Variants in MLPH observed in about 807,000 individuals in gnomAD.
MLPH encodes the protein melanophilin.
MLPH carries 51 observed loss-of-function variants against 72.1 expected under a neutral mutation model. The observed-to-expected ratio is 0.71, with a 90% CI of 0.56 to 0.89. MLPH has a LOEUF of 0.89. MLPH is among the 40% of genes least tolerant of loss of function. The pLI is 0.00. For missense variants in MLPH, 743 were observed against 759.9 expected, an observed-to-expected ratio of 0.98 and a Z score of 0.26; for synonymous variants, 301 against 310.1, an observed-to-expected ratio of 0.97 and a Z score of 0.31.
intron 4 of MLPH, 193 bp from the exon 5 acceptor site, chr2:237,518,345 AG>A: frequency 1.5e-6 from 1 of 678,212 alleles, no homozygotes; most frequent in Non-Finnish European, 2.7e-6. Context: ...ATTGATAAAT[AG>A]GGGGATGGGT....
rs1281724334 is a variant in MLPH at position 237,555,301 on chromosome 2, T to C, written c.*1709T>C. 2 of 152,208 alleles carry C rather than the reference T, an allele frequency of 1.3e-5. No individual in the cohort carries two copies. Among genetic ancestry groups the C allele is most frequent in the South Asian group, 4.2e-4 (2 of 4,812 alleles). The allele number at this position is 152,208 out of a possible 1,614,324, so 9.4% of individuals were successfully genotyped here. On this transcript the variant is annotated 3_prime_UTR_variant, in exon 16 of 16. Coordinates refer to ENST00000264605, the MANE Select transcript of MLPH (RefSeq NM_024101.7). Reference sequence around the variant, plus strand: ...CTTAAAAAAATTAATAATAAATAAATGAAAATAATTCTTCAGAGTTCCTTT... The same window carrying C: ...CTTAAAAAAATTAATAATAAATAAACGAAAATAATTCTTCAGAGTTCCTTT...
intron 2 of MLPH, among the ~76,000 whole-genome samples, chr2:237,498,029 A>T (rs1182091510): frequency 6.6e-6 from 1 of 152,190 alleles, no homozygotes; most frequent in Non-Finnish European, 1.5e-5. Context: ...ACCCAGCCCG[A>T]GGAAACTCAA....
At chr2:237,509,231 C>T (rs1310126502) in intron 2 of MLPH, among the ~76,000 whole-genome samples, 1 of 152,216 alleles carries the variant, frequency 6.6e-6, no homozygotes, top group African/African-American at 2.4e-5. Context: ...TAATTTCAGC[C>T]TCTGAAATAT....
rs1158152874 is a variant in MLPH at position 237,549,257 on chromosome 2, A to G, written c.1654A>G (p.Ser552Gly). The G allele has an allele frequency of 2.5e-6, 4 of 1,614,156 alleles. No homozygotes were observed. Among genetic ancestry groups the G allele is most frequent in the Admixed American group, 1.7e-5 (1 of 60,030 alleles). Reference protein sequence around the residue: ...AVPYLLRRKFSNSLKSQGKDD... With the variant: ...AVPYLLRRKFGNSLKSQGKDD... ...GCCCTATCTTCTGAGAAGAAAGTTC[A>G]GTAATTCCCTGAAAAGTCAAGGTAA... Residue 552 changes from serine (S) to glycine (G), a missense_variant, in exon 14 of 16, where the codon AGT (serine) becomes GGT (glycine). Physicochemically the swap from Ser to Gly is moderately conservative, Grantham distance 56. Coordinates refer to ENST00000264605, the MANE Select transcript of MLPH (RefSeq NM_024101.7).
At chr2:237,535,192 A>G (rs2080506575) in intron 9 of MLPH, among the ~76,000 whole-genome samples, 1 of 152,232 alleles carries the variant, frequency 6.6e-6, no homozygotes, top group South Asian at 2.1e-4. Context: ...CACATGGCAC[A>G]TGGTGACAGA....
chr2:237,542,246 C>T (rs2080705383), intron 11 of MLPH, among the ~76,000 whole-genome samples: 1 of 152,116 alleles, frequency 6.6e-6, no homozygotes, highest in African/African-American at 2.4e-5. Context: ...GTAGCCACTA[C>T]TGTCCTTGCA....
chr2:237,519,833 G>A, intron 5 of MLPH, 77 bp from the exon 6 acceptor site: 2 of 1,604,428 alleles, frequency 1.2e-6, no homozygotes, highest in Non-Finnish European at 1.7e-6. Context: ...GTGTGGGGTT[G>A]GGGAGGTGCA....
In MLPH at chr2:237,511,069, T is replaced by C. The variant is rs567842136; in HGVS notation, c.413T>C (p.Ile138Thr). 84 of 1,613,874 alleles carry C rather than the reference T, an allele frequency of 5.2e-5. No individual in the cohort carries two copies. The South Asian group carries it at 7.9e-4, about 15-fold the overall frequency. Residue 138 changes from isoleucine to threonine, a missense_variant, in exon 4 of 16, where the codon ATC (isoleucine) becomes ACC (threonine). Transcript: ENST00000264605. The stretch of plus-strand genomic sequence containing the variant: ...AAGAGGTTCGGAAGTGCCAAGGTCA[T>C]CCGGTCCCTCCACGGGCGGCTGCAG... ...RFKRFGSAKV[I>T]RSLHGRLQGG...
chr2:237,538,516 C>T (rs774151939), intron 9 of MLPH, among the ~76,000 whole-genome samples: 6 of 152,204 alleles, frequency 3.9e-5, no homozygotes, highest in South Asian at 2.1e-4. Flanking sequence ...CTCGAAGAAT[C>T]GGCAGCAGTC....
At position 237,529,056 on chromosome 2, in the gene MLPH, T is replaced by A. The variant is rs184249328; in HGVS notation, c.1020+1540T>A. On this transcript the variant is annotated intron_variant, in intron 8 of 15. Transcript: ENST00000264605. ...CTTAGCAGGCTGTATTATTATTATT[T>A]TTTTTAGAAAGAGTGTTGCTCTGTT... 3.4e-3 allele frequency among the ~76,000 whole-genome samples: 524 copies of A among 152,292 alleles called. 4 individuals are homozygous for A. Among genetic ancestry groups the A allele is most frequent in the African/African-American group, 0.012 (487 of 41,546 alleles).
intron 2 of MLPH, among the ~76,000 whole-genome samples, chr2:237,494,181 G>C (rs1200585983): frequency 7.1e-6 from 1 of 140,072 alleles, no homozygotes; most frequent in Non-Finnish European, 1.5e-5. Flanking sequence ...TCCCGGCGAA[G>C]GGGGGGGCAG....
Position 237,553,739 on chromosome 2 carries a change from C to T in MLPH, c.*147C>T, listed in dbSNP as rs1398331002. 4 of 1,093,730 alleles carry T rather than the reference C, an allele frequency of 3.7e-6. No individual in the cohort carries two copies. The Admixed American group carries it at 6.8e-5, about 18-fold the overall frequency. 67.8% of individuals were successfully genotyped at this position (1,093,730 alleles called of 1,614,324 possible). On this transcript the variant is annotated 3_prime_UTR_variant, in exon 16 of 16. Coordinates refer to ENST00000264605, the MANE Select transcript of MLPH (RefSeq NM_024101.7). Reference sequence around the variant, plus strand: ...GGAGCACCCTCCACATGGACTCCCACCTGCAAGTGGACAGCGACATTCAGT... The same window carrying T: ...GGAGCACCCTCCACATGGACTCCCATCTGCAAGTGGACAGCGACATTCAGT...
intron 4 of MLPH, among the ~76,000 whole-genome samples, chr2:237,516,271 T>G (rs1045608919): frequency 1.3e-5 from 2 of 152,138 alleles, no homozygotes. Flanking sequence ...CTAAATCACT[T>G]GCCACAGCCA....
chr2:237,550,035 C>T (rs181507309), intron 14 of MLPH, among the ~76,000 whole-genome samples: 80 of 152,350 alleles, frequency 5.3e-4, no homozygotes, highest in African/African-American at 1.8e-3. Flanking sequence ...ACACTGGAGC[C>T]AGCCTGCCCC....
chr2:237,496,161 C>T (rs1394636095), intron 2 of MLPH, among the ~76,000 whole-genome samples: 1 of 152,198 alleles, frequency 6.6e-6, no homozygotes, highest in African/African-American at 2.4e-5. Context: ...TCCAAGGCAG[C>T]CCTGGCTATT....
intron 14 of MLPH, 93 bp downstream of exon 14, chr2:237,549,371 A>G: frequency 1.7e-6 from 2 of 1,186,642 alleles, no homozygotes; most frequent in Non-Finnish European, 2.5e-6. Flanking sequence ...TTTCTTCATT[A>G]TCTGTGGGAC....
rs1023830139 is a variant in MLPH at position 237,493,459 on chromosome 2, T to C, written c.33T>C (p.Thr11=). The part of the protein sequence containing the change: MGKKLDLSKL[T]DEEAQHVLEV... ...AGAAACTGGATCTTTCCAAGCTCAC[T>C]GATGAAGAGGCCCAGCATGTCTTGG... The change falls in exon 2 of 16, where the codon ACT becomes ACC. Residue 11 remains threonine (T), a synonymous_variant. Transcript: ENST00000264605. 1.2e-6 allele frequency: 2 copies of C among 1,614,090 alleles called. No individual in the cohort carries two copies. Among genetic ancestry groups the C allele is most frequent in the Non-Finnish European group, 1.7e-6 (2 of 1,179,976 alleles).
rs1316848698 is a variant in MLPH at position 237,541,866 on chromosome 2, C to T, written c.1447-701C>T. Among the ~76,000 whole-genome samples the T allele has an allele frequency of 7.2e-5, 11 of 152,152 alleles. No homozygotes were observed. Among genetic ancestry groups the T allele is most frequent in the Admixed American group, 5.9e-4 (9 of 15,288 alleles). On this transcript the variant is annotated intron_variant, in intron 11 of 15. Transcript: ENST00000264605. The surrounding 1 kb of genome is among the most constrained non-coding windows in gnomAD (Gnocchi z 5.1). Reference sequence around the variant, plus strand: ...AGCCCCTAGAGTGCTCGGGGCAGGGCGATTGAGATAAGGCAGTCAGGAGGG... The same window carrying T: ...AGCCCCTAGAGTGCTCGGGGCAGGGTGATTGAGATAAGGCAGTCAGGAGGG...
At chr2:237,509,475 G>C (rs1057265207) in intron 2 of MLPH, among the ~76,000 whole-genome samples, 1 of 152,234 alleles carries the variant, frequency 6.6e-6, no homozygotes, top group Non-Finnish European at 1.5e-5. Context: ...GAGCTGGCAA[G>C]GGTGGAAATG....
Sources: allele counts gnomAD v4.1 joint callset (sites outside exome capture counted in the v4.1 genomes callset), GRCh38; gene constraint gnomAD v4.1.1; non-coding constraint Gnocchi (gnomAD v3.1); transcripts MANE v1.5; gene names NCBI Gene and HGNC (gene_info 2026-07-23, HGNC 2026-07-21).